PTPRT: variants seen among roughly 807,000 people sequenced by gnomAD.
PTPRT encodes protein tyrosine phosphatase receptor type T, also known as receptor-type tyrosine-protein phosphatase T.
Under a neutral mutation model 176.8 loss-of-function variants are expected in PTPRT, and 56 were observed. The observed-to-expected ratio is 0.32, with a 90% confidence interval of 0.26 to 0.40. The LOEUF is 0.40. Among genes scored for constraint, PTPRT ranks in the 10% least tolerant of loss-of-function variants. PTPRT has a pLI of 1.00. For missense variants in PTPRT, 1,540 were observed against 1,908.2 expected (o/e 0.81, Z 3.60); for synonymous variants, 783 against 739.0 (o/e 1.06, Z -0.96).
chr20:42,391,926 A>C (rs2058803536), intron 9 of PTPRT, among the ~76,000 whole-genome samples: 1 of 152,178 alleles, frequency 6.6e-6, no homozygotes, highest in Non-Finnish European at 1.5e-5. Flanking sequence ...CTAATGTCGG[A>C]TGCCCTACAG....
chr20:42,358,196 T>C (rs185459304), intron 9 of PTPRT, among the ~76,000 whole-genome samples: 104 of 151,852 alleles, frequency 6.8e-4, no homozygotes, highest in Non-Finnish European at 1.2e-3. Context: ...GAAAGTTGTA[T>C]GAGGGGTATA....
At chr20:42,174,497 G>A (rs1264706172) in intron 16 of PTPRT, among the ~76,000 whole-genome samples, 2 of 152,196 alleles carry the variant, frequency 1.3e-5, no homozygotes, top group Non-Finnish European at 2.9e-5. Flanking sequence ...ATAGATCCAT[G>A]TGGACTCACC....
intron 3 of PTPRT, among the ~76,000 whole-genome samples, chr20:42,789,266 G>A (rs1029539967): frequency 3.3e-5 from 5 of 152,132 alleles, no homozygotes; most frequent in African/African-American, 7.2e-5. Flanking sequence ...TTTTGGATAC[G>A]TTGGTTTAAG....
At chr20:42,476,548 G>C (rs1204035878) in intron 7 of PTPRT, among the ~76,000 whole-genome samples, 3 of 152,164 alleles carry the variant, frequency 2.0e-5, no homozygotes, top group Non-Finnish European at 4.4e-5. Flanking sequence ...GCTCATGTGT[G>C]TTACTGAAAT....
chr20:42,673,720 C>G (rs760019856), intron 7 of PTPRT, among the ~76,000 whole-genome samples: 2 of 152,028 alleles, frequency 1.3e-5, no homozygotes, highest in Non-Finnish European at 2.9e-5. Flanking sequence ...CCCAAATGCC[C>G]CACCTCCTAA....
chr20:43,103,000 G>C (rs952727349), intron 1 of PTPRT, among the ~76,000 whole-genome samples: 2 of 152,214 alleles, frequency 1.3e-5, no homozygotes, highest in Admixed American at 6.5e-5. Context: ...TGGAGGGAAA[G>C]AGATGAGATT....
intron 7 of PTPRT, among the ~76,000 whole-genome samples, chr20:42,602,590 G>T (rs1440117879): frequency 6.6e-6 from 1 of 152,084 alleles, no homozygotes; most frequent in Non-Finnish European, 1.5e-5. Flanking sequence ...ACACTCTACA[G>T]GTCACATTAT....
chr20:42,819,294 C>T (rs116185515), intron 2 of PTPRT, among the ~76,000 whole-genome samples: 13,649 of 152,112 alleles, frequency 0.09, 698 homozygotes, highest in South Asian at 0.21. Flanking sequence ...TCATATGCAG[C>T]CAAACTAATC....
chr20:42,181,282 G>C (rs925197424), intron 16 of PTPRT, among the ~76,000 whole-genome samples: 1 of 152,160 alleles, frequency 6.6e-6, no homozygotes, highest in Non-Finnish European at 1.5e-5. Flanking sequence ...GGAGAGAGGG[G>C]AGATCACAAG....
At chr20:43,044,581 C>T (rs1158114711) in intron 1 of PTPRT, among the ~76,000 whole-genome samples, 1 of 152,188 alleles carries the variant, frequency 6.6e-6, no homozygotes, top group African/African-American at 2.4e-5. Flanking sequence ...AGTCCGGCCT[C>T]AGCACCTCCC....
At chr20:42,947,750 C>T (rs1020096794) in intron 1 of PTPRT, among the ~76,000 whole-genome samples, 4 of 152,162 alleles carry the variant, frequency 2.6e-5, no homozygotes, top group African/African-American at 9.7e-5. Context: ...ATACCTTTCA[C>T]TCACTCTCCA....
At chr20:43,063,134 C>T (rs1196767052) in intron 1 of PTPRT, among the ~76,000 whole-genome samples, 1 of 152,120 alleles carries the variant, frequency 6.6e-6, no homozygotes. Flanking sequence ...GGAACTAAGA[C>T]TCAGTGTGAG....
At chr20:42,947,717 G>A (rs538393399) in intron 1 of PTPRT, among the ~76,000 whole-genome samples, 10 of 152,044 alleles carry the variant, frequency 6.6e-5, no homozygotes, top group Non-Finnish European at 1.3e-4. Context: ...CAAGAATTGT[G>A]CTCATTCACT....
chr20:42,782,228 C>T (rs967245037), intron 3 of PTPRT, among the ~76,000 whole-genome samples: 1 of 151,954 alleles, frequency 6.6e-6, no homozygotes, highest in East Asian at 1.9e-4. Context: ...GTAGGCATTC[C>T]TCCTTCTCCA....
intron 2 of PTPRT, among the ~76,000 whole-genome samples, chr20:42,815,834 A>C (rs1272791452): frequency 3.3e-5 from 5 of 152,198 alleles, no homozygotes; most frequent in African/African-American, 1.2e-4. Context: ...TTTAGTCAAA[A>C]ATTGTATACC....
chr20:42,960,266 G>A (rs1305379482), intron 1 of PTPRT, among the ~76,000 whole-genome samples: 1 of 152,154 alleles, frequency 6.6e-6, no homozygotes, highest in Non-Finnish European at 1.5e-5. Flanking sequence ...AGTTCTGAAG[G>A]CTGAGAAGTC....
intron 9 of PTPRT, among the ~76,000 whole-genome samples, chr20:42,411,596 G>C (rs1168849757): frequency 6.9e-6 from 1 of 145,550 alleles, no homozygotes; most frequent in Non-Finnish European, 1.5e-5. Context: ...GATCGAGAAA[G>C]AAAAGAAAGA....
chr20:42,449,569 G>T (rs1459281537), intron 8 of PTPRT, among the ~76,000 whole-genome samples: 1 of 152,168 alleles, frequency 6.6e-6, no homozygotes, highest in Non-Finnish European at 1.5e-5. Flanking sequence ...CCTCTGCCCA[G>T]TAGGTATTAT....
At chr20:42,264,034 T>C (rs1433630651) in intron 13 of PTPRT, among the ~76,000 whole-genome samples, 1 of 152,006 alleles carries the variant, frequency 6.6e-6, no homozygotes, top group East Asian at 1.9e-4. Flanking sequence ...TAGTGATAAA[T>C]TGGATACTGA....
Sources: gnomAD v4.1 joint callset for allele counts (sites outside exome capture counted in the v4.1 genomes callset) on GRCh38, gnomAD v4.1.1 for gene constraint, MANE v1.5 for transcripts, NCBI Gene and HGNC (gene_info 2026-07-23, HGNC 2026-07-21) for gene names.